Variants in HLF observed in about 807,000 individuals in gnomAD.
HLF encodes HLF transcription factor, PAR bZIP family member, also known as hepatic leukemia factor.
HLF carries 3 observed loss-of-function variants against 22.6 expected under a neutral mutation model. The ratio of observed to expected loss-of-function variants is 0.13; its 90% CI spans 0.06 to 0.34. The LOEUF (loss-of-function observed/expected upper bound fraction) is 0.34. Among genes scored for constraint, HLF ranks in the 10% least tolerant of loss-of-function variants. The pLI is 1.00. For missense variants in HLF, 299 were observed against 389.2 expected, an observed-to-expected ratio of 0.77 and a Z score of 1.95; for synonymous variants, 151 against 151.8, an observed-to-expected ratio of 0.99 and a Z score of 0.04.
chr17:55,296,958 T>C (rs1482850979), intron 2 of HLF, among the ~76,000 whole-genome samples: 1 of 152,152 alleles, frequency 6.6e-6, no homozygotes, highest in Non-Finnish European at 1.5e-5. Flanking sequence ...GTAACCAGGG[T>C]TGAGAACTTA....
chr17:55,322,022 G>A lies in HLF; in HGVS notation c.*1143G>A, dbSNP rs1905277624. ...TTTGTTGTTTTTAAAAAGAAAATCA[G>A]TTGATTAAGTTAATAAGTTGATGTT... On this transcript the variant is annotated 3_prime_UTR_variant, in exon 4 of 4. Coordinates refer to ENST00000226067, the MANE Select transcript of HLF (RefSeq NM_002126.5). The A allele has an allele frequency of 9.2e-6, 2 of 217,370 alleles. No individual in the cohort carries two copies. Among genetic ancestry groups the A allele is most frequent in the East Asian group, 1.4e-4 (2 of 14,568 alleles). The allele number at this position is 217,370 out of a possible 1,614,324, so 13.5% of individuals were successfully genotyped here.
chr17:55,288,613 A>T (rs1199912990), intron 2 of HLF, among the ~76,000 whole-genome samples: 1 of 152,012 alleles, frequency 6.6e-6, no homozygotes, highest in Non-Finnish European at 1.5e-5. Flanking sequence ...AAACAGAAAA[A>T]AATTAGCCAG....
chr17:55,281,845 CA>C (rs1405025405), intron 2 of HLF, among the ~76,000 whole-genome samples: 2 of 152,158 alleles, frequency 1.3e-5, no homozygotes, highest in Non-Finnish European at 2.9e-5. Context: ...GGGCATATCT[CA>C]GTGGCCAAAA....
intron 1 of HLF, among the ~76,000 whole-genome samples, chr17:55,266,489 A>G (rs2080791784): frequency 6.6e-6 from 1 of 152,150 alleles, no homozygotes; most frequent in Non-Finnish European, 1.5e-5. Context: ...AAAGTTCTGA[A>G]AGGTTATTTG....
intron 2 of HLF, among the ~76,000 whole-genome samples, chr17:55,301,664 A>G (rs565260966): frequency 6.6e-6 from 1 of 152,352 alleles, no homozygotes; most frequent in South Asian, 2.1e-4. Flanking sequence ...GATAGGAACA[A>G]TATGCCTCCC....
At chr17:55,298,326 TA>T (rs1313043493) in intron 2 of HLF, among the ~76,000 whole-genome samples, 1 of 152,174 alleles carries the variant, frequency 6.6e-6, no homozygotes, top group Non-Finnish European at 1.5e-5. Flanking sequence ...CCTTCTTATA[TA>T]GGTCCTGGTG....
In HLF at chr17:55,288,800, AGT is replaced by A. The variant is rs771734018; in HGVS notation, c.451+20717_451+20718del. ...TTAAAAAAAATATTCAAGAATGAAG[AGT>A]GTTTTCAGAGAAGAGGATTTAGATG... is the stretch of plus-strand genomic sequence containing the variant. On this transcript the variant is annotated intron_variant, in intron 2 of 3. Coordinates refer to ENST00000226067, the MANE Select transcript of HLF (RefSeq NM_002126.5). 28 of 329,170 alleles carry A rather than the reference AGT, an allele frequency of 8.5e-5. No homozygotes were observed. In the East Asian group the frequency reaches 2.1e-3, roughly 24 times the overall value. 20.4% of individuals were successfully genotyped at this position (329,170 alleles called of 1,614,324 possible).
chr17:55,303,191 T>C (rs574466187), intron 2 of HLF, among the ~76,000 whole-genome samples: 1 of 152,336 alleles, frequency 6.6e-6, no homozygotes, highest in African/African-American at 2.4e-5. Flanking sequence ...CAGCTGTCTC[T>C]TGTTGCCTGT....
intron 2 of HLF, among the ~76,000 whole-genome samples, chr17:55,269,974 A>G (rs1014024829): frequency 1.3e-5 from 2 of 152,218 alleles, no homozygotes; most frequent in South Asian, 2.1e-4. Flanking sequence ...AGACCTGCAC[A>G]TATTGGGTGT....
In HLF at chr17:55,320,785, C is replaced by T. The variant is rs151123188; in HGVS notation, c.794C>T (p.Ser265Leu). Reference sequence around the variant, plus strand: ...GCCTCGTTCCTGGAGAAGGAGAACTCGGCCCTCCGCCAGGAGGTGGCTGAC... The same window carrying T: ...GCCTCGTTCCTGGAGAAGGAGAACTTGGCCCTCCGCCAGGAGGTGGCTGAC... ...IRASFLEKEN[S>L]ALRQEVADLR... Residue 265 changes from serine (S) to leucine (L), a missense_variant, in exon 4 of 4, where the codon TCG becomes TTG. By Grantham distance (145) the Ser-to-Leu change is moderately radical. Transcript: ENST00000226067. This position sits in a 1 kb window ranked among gnomAD's most constrained non-coding sequence, Gnocchi z 4.2. 722 of 1,613,762 alleles carry T rather than the reference C, an allele frequency of 4.5e-4. No homozygotes were observed. The highest frequency in any genetic ancestry group is 5.8e-4 in the Non-Finnish European group (680 of 1,179,910).
At position 55,320,799 on chromosome 17, in the gene HLF, G is replaced by A; in HGVS notation, c.808G>A (p.Glu270Lys). ...GAAGGAGAACTCGGCCCTCCGCCAG[G>A]AGGTGGCTGACTTGAGGAAGGAGCT... is the stretch of plus-strand genomic sequence containing the variant. The part of the protein sequence containing the change: ...LEKENSALRQ[E>K]VADLRKELGK... Residue 270 changes from glutamate (E) to lysine (K), a missense_variant, in exon 4 of 4, where the codon GAG becomes AAG. Physicochemically the swap from Glu to Lys is moderately conservative, Grantham distance 56. Around this residue, in one of 3 missense-constraint regions of HLF, gnomAD observed 224 missense variants for 298.1 expected, o/e 0.75. Coordinates refer to ENST00000226067, the MANE Select transcript of HLF (RefSeq NM_002126.5). This position sits in a 1 kb window ranked among gnomAD's most constrained non-coding sequence, Gnocchi z 4.2. The A allele has an allele frequency of 1.2e-6, 2 of 1,613,970 alleles. No individual in the cohort carries two copies. Among genetic ancestry groups the A allele is most frequent in the Non-Finnish European group, 1.7e-6 (2 of 1,179,974 alleles).
chr17:55,279,952 C>T (rs535409626), intron 2 of HLF, among the ~76,000 whole-genome samples: 39 of 152,236 alleles, frequency 2.6e-4, no homozygotes, highest in Non-Finnish European at 5.3e-4. Context: ...TCGGCCAACC[C>T]GCAAAGGTGG....
chr17:55,265,488 G>A lies in HLF; in HGVS notation c.4G>A (p.Glu2Lys). Reference protein sequence around the residue: MEKMSRPLPLNP... With the variant: MKKMSRPLPLNP... ...GAAAAAATTTGAGTGCATCGCGATG[G>A]AGAAAATGTCCCGACCGCTCCCCCT... The change falls in exon 1 of 4, where the codon GAG becomes AAG. Residue 2 changes from glutamate (E) to lysine (K), a missense_variant. Around this residue, in one of 3 missense-constraint regions of HLF, gnomAD observed 72 missense variants for 74.0 expected, o/e 0.97. Transcript: ENST00000226067. 6.3e-7 allele frequency: 1 copy of A among 1,593,974 alleles called. No individual in the cohort carries two copies. The highest frequency in any genetic ancestry group is 1.1e-5 in the South Asian group (1 of 90,308).
chr17:55,267,057 A>G (rs1036091342), intron 1 of HLF, among the ~76,000 whole-genome samples: 2 of 152,212 alleles, frequency 1.3e-5, no homozygotes, highest in African/African-American at 4.8e-5. Context: ...TGGCTTTAGA[A>G]GCAAACACAT....
chr17:55,302,143 C>T lies in HLF; in HGVS notation c.452-13084C>T, dbSNP rs748851835. ...AAATAGTTCACAGGCATGAGGTGAC[C>T]TGCAGGAGAGGCTGATGGTCTATAG... On this transcript the variant is annotated intron_variant, in intron 2 of 3. Coordinates refer to ENST00000226067, the MANE Select transcript of HLF (RefSeq NM_002126.5). Among the ~76,000 whole-genome samples the T allele has an allele frequency of 2.0e-5, 3 of 152,270 alleles. No homozygotes were observed. The East Asian group carries it at 5.8e-4, about 29-fold the overall frequency.
intron 3 of HLF, among the ~76,000 whole-genome samples, chr17:55,317,060 C>G (rs1905100820): frequency 6.6e-6 from 1 of 151,542 alleles, no homozygotes; most frequent in Non-Finnish European, 1.5e-5. Context: ...CTCCGCCTCC[C>G]CGGTTCAAGC....
chr17:55,296,213 C>A (rs1157587282), intron 2 of HLF, among the ~76,000 whole-genome samples: 4 of 152,200 alleles, frequency 2.6e-5, no homozygotes, highest in Non-Finnish European at 4.4e-5. Context: ...AAGCTCCTTA[C>A]ATCCACAGGG....
chr17:55,318,281 C>A (rs1905143728), intron 3 of HLF, among the ~76,000 whole-genome samples: 1 of 152,182 alleles, frequency 6.6e-6, no homozygotes, highest in Non-Finnish European at 1.5e-5. Flanking sequence ...CTTTTCTAGT[C>A]CAGGACACTC....
chr17:55,303,779 C>T (rs1297592708), intron 2 of HLF, among the ~76,000 whole-genome samples: 1 of 152,138 alleles, frequency 6.6e-6, no homozygotes, highest in Non-Finnish European at 1.5e-5. Context: ...TGTGCAAATT[C>T]AGCGAGGGGG....
Sources: gnomAD v4.1 joint callset for allele counts (sites outside exome capture counted in the v4.1 genomes callset) on GRCh38, gnomAD v4.1.1 for gene constraint, gnomAD v4.1.1 regional missense constraint, Gnocchi (gnomAD v3.1) non-coding constraint, MANE v1.5 for transcripts, NCBI Gene and HGNC (gene_info 2026-07-23, HGNC 2026-07-21) for gene names.